AKAP19: variants seen among roughly 807,000 people sequenced by gnomAD.
The protein encoded by AKAP19 is A-kinase anchoring protein 19.
chr2:189,967,509 C>A, the AKAP19 span, among the ~76,000 whole-genome samples: 1 of 152,090 alleles, frequency 6.6e-6, no homozygotes, highest in Admixed American at 6.5e-5. Context: ...AATTCTACAC[C>A]TGATGAAAAG....
chr2:190,072,014 A>T, the AKAP19 span, among the ~76,000 whole-genome samples: 2 of 152,176 alleles, frequency 1.3e-5, no homozygotes, highest in Non-Finnish European at 2.9e-5. Flanking sequence ...AAAAATACAT[A>T]AAGAAAAACT....
chr2:189,949,221 A>C, the AKAP19 span, among the ~76,000 whole-genome samples: 1 of 152,198 alleles, frequency 6.6e-6, no homozygotes, highest in African/African-American at 2.4e-5. Context: ...CTTCAGTTGC[A>C]GATGCAGAAC....
the AKAP19 span, among the ~76,000 whole-genome samples, chr2:190,034,310 T>G: frequency 6.6e-6 from 1 of 151,828 alleles, no homozygotes; most frequent in African/African-American, 2.4e-5. Flanking sequence ...TTTTTGCTTC[T>G]AATGAACGTA....
At chr2:189,941,638 C>T in the AKAP19 span, among the ~76,000 whole-genome samples, 1 of 150,546 alleles carries the variant, frequency 6.6e-6, no homozygotes, top group Non-Finnish European at 1.5e-5. Flanking sequence ...TTTTGTGAGC[C>T]TCACATAACC....
At chr2:190,014,566 C>T in the AKAP19 span, among the ~76,000 whole-genome samples, 4 of 152,120 alleles carry the variant, frequency 2.6e-5, no homozygotes, top group Non-Finnish European at 4.4e-5. Context: ...CCACATCATT[C>T]CACTCCTGGC....
chr2:190,015,493 TC>T, the AKAP19 span, among the ~76,000 whole-genome samples: 2 of 152,192 alleles, frequency 1.3e-5, no homozygotes, highest in African/African-American at 4.8e-5. Context: ...AAACATTGTT[TC>T]CCTGTAGGCC....
chr2:190,099,678 C>T, the AKAP19 span, among the ~76,000 whole-genome samples: 1 of 152,162 alleles, frequency 6.6e-6, no homozygotes. Context: ...GTAAAAACCA[C>T]AGTCATTGTG....
chr2:190,150,041 C>G, the AKAP19 span, among the ~76,000 whole-genome samples: 1 of 152,108 alleles, frequency 6.6e-6, no homozygotes. Flanking sequence ...CCATGCAAAC[C>G]GAAGGGCTGG....
At chr2:189,988,355 A>T in the AKAP19 span, among the ~76,000 whole-genome samples, 2 of 152,332 alleles carry the variant, frequency 1.3e-5, no homozygotes, top group East Asian at 1.9e-4. Flanking sequence ...CAGAATGATG[A>T]TTGTTAATAT....
chr2:190,002,087 C>T, the AKAP19 span, among the ~76,000 whole-genome samples: 1 of 152,174 alleles, frequency 6.6e-6, no homozygotes, highest in Non-Finnish European at 1.5e-5. Context: ...CCCTATAGAA[C>T]AAGGGCAGGG....
chr2:189,903,844 C>T, the AKAP19 span, among the ~76,000 whole-genome samples: 4 of 151,888 alleles, frequency 2.6e-5, no homozygotes, highest in African/African-American at 7.3e-5. Context: ...AAATTTATGT[C>T]CATGTGTGCT....
the AKAP19 span, among the ~76,000 whole-genome samples, chr2:189,892,157 G>T: frequency 2.0e-5 from 3 of 151,652 alleles, no homozygotes; most frequent in Non-Finnish European, 4.4e-5. Context: ...GGTTCTTAGC[G>T]TCCGTGCATT....
the AKAP19 span, chr2:190,199,691 T>C: frequency 7.0e-7 from 1 of 1,428,370 alleles, no homozygotes; most frequent in Non-Finnish European, 9.1e-7. Context: ...TACCTTCTCT[T>C]GACAGGTAAA....
chr2:190,109,941 A>G, the AKAP19 span, among the ~76,000 whole-genome samples: 1 of 152,214 alleles, frequency 6.6e-6, no homozygotes, highest in African/African-American at 2.4e-5. Flanking sequence ...TTTAGTATGC[A>G]TCAGGATCAC....
At chr2:190,125,378 C>T in the AKAP19 span, among the ~76,000 whole-genome samples, 5 of 152,090 alleles carry the variant, frequency 3.3e-5, no homozygotes, top group East Asian at 1.9e-4. Context: ...CAGTGGAGAA[C>T]GCTGATACAG....
chr2:189,973,512 G>A, the AKAP19 span, among the ~76,000 whole-genome samples: 1 of 152,178 alleles, frequency 6.6e-6, no homozygotes, highest in African/African-American at 2.4e-5. Flanking sequence ...ATGAGTTAGG[G>A]AGGATTCCCT....
chr2:190,114,173 C>T, the AKAP19 span, among the ~76,000 whole-genome samples: 4 of 152,148 alleles, frequency 2.6e-5, no homozygotes, highest in Non-Finnish European at 5.9e-5. Context: ...TATCCATATA[C>T]CCCAAGTTCC....
At chr2:189,963,861 T>C in the AKAP19 span, among the ~76,000 whole-genome samples, 1 of 151,826 alleles carries the variant, frequency 6.6e-6, no homozygotes, top group Admixed American at 6.6e-5. Context: ...CCTCCCAGGA[T>C]CAAACAATTT....
the AKAP19 span, among the ~76,000 whole-genome samples, chr2:189,999,923 C>T: frequency 1.3e-5 from 2 of 152,122 alleles, no homozygotes; most frequent in African/African-American, 2.4e-5. Context: ...CGTTATATTC[C>T]GAGTTTGGGG....
Sources: allele counts gnomAD v4.1 joint callset (sites outside exome capture counted in the v4.1 genomes callset), GRCh38; gene constraint gnomAD v4.1.1; transcripts MANE v1.5; gene names NCBI Gene and HGNC (gene_info 2026-07-23, HGNC 2026-07-21).